The following PHC2 variants were observed in gnomAD, a reference collection of about 807,000 sequenced individuals.
The protein encoded by PHC2 is polyhomeotic-like protein 2.
In PHC2, 29 loss-of-function variants were observed where a neutral mutation model predicts 87.4. The observed-to-expected ratio is 0.33, with a 90% CI of 0.25 to 0.45. The LOEUF is 0.45. PHC2 is among the 20% of genes least tolerant of loss of function. The pLI is 1.00. For synonymous variants in PHC2, 438 were observed against 461.7 expected (o/e 0.95, Z 0.66); for missense variants, 857 against 1,136.7 (o/e 0.75, Z 3.54).
At chr1:33,355,999 A>G (rs1193786143) in intron 7 of PHC2, among the ~76,000 whole-genome samples, 5 of 152,242 alleles carry the variant, frequency 3.3e-5, no homozygotes, top group South Asian at 4.1e-4. Context: ...TATAACTACT[A>G]TATCAGTCTG....
chr1:33,349,294 G>A lies in PHC2; in HGVS notation c.1558+5107C>T. 8 of 985,448 alleles carry A rather than the reference G, an allele frequency of 8.1e-6. No individual in the cohort carries two copies. Among genetic ancestry groups the A allele is most frequent in the Non-Finnish European group, 9.6e-6 (8 of 829,954 alleles). 61.0% of individuals were successfully genotyped at this position (985,448 alleles called of 1,614,324 possible). On this transcript the variant is annotated intron_variant, in intron 9 of 14. Transcript: ENST00000683057. The surrounding 1 kb of genome is among the most constrained non-coding windows in gnomAD (Gnocchi z 4.2). The stretch of plus-strand genomic sequence containing the variant: ...CGTCCCAGGGAAGTCGCAGCGGCGG[G>A]GAGGCCGGTCCTAGGTTGGGGCTGG...
intron 14 of PHC2, 23 bp downstream of exon 14, chr1:33,328,843 GAGAC>G (rs756734797): frequency 7.6e-6 from 12 of 1,583,798 alleles, no homozygotes; most frequent in Non-Finnish European, 1.0e-5. Context: ...CTATTCCGGG[GAGAC>G]ATGGAATTTC....
intron 1 of PHC2, among the ~76,000 whole-genome samples, chr1:33,379,967 C>T (rs1471386720): frequency 6.6e-6 from 1 of 152,202 alleles, no homozygotes; most frequent in Non-Finnish European, 1.5e-5. Context: ...GAGCATCTGC[C>T]ATCCCAGGCT....
chr1:33,424,102 AAAAAAAAAAC>A (rs1369514109), intron 1 of PHC2, among the ~76,000 whole-genome samples: 4 of 151,830 alleles, frequency 2.6e-5, no homozygotes, highest in Non-Finnish European at 5.9e-5. Context: ...CGTCTCAAAA[AAAAAAAAAAC>A]AAAAAAAACA....
intron 9 of PHC2, among the ~76,000 whole-genome samples, chr1:33,342,750 C>G (rs1646768824): frequency 6.6e-6 from 1 of 152,192 alleles, no homozygotes. Context: ...CTACTTAACC[C>G]TGGTGATGGA....
chr1:33,367,713 T>G (rs1647562164), intron 6 of PHC2, among the ~76,000 whole-genome samples: 1 of 152,130 alleles, frequency 6.6e-6, no homozygotes, highest in Non-Finnish European at 1.5e-5. Flanking sequence ...GGCCAGGCTC[T>G]GTCCCTTCTG....
At chr1:33,345,136 A>G (rs1258750631) in intron 9 of PHC2, 1 of 152,190 alleles carries the variant, frequency 6.6e-6, no homozygotes, top group Non-Finnish European at 1.5e-5. Context: ...TTTCTTGCCA[A>G]CAGTTCCAAT....
intron 9 of PHC2, chr1:33,335,291 C>G: frequency 1.0e-6 from 1 of 985,428 alleles, no homozygotes; most frequent in Non-Finnish European, 1.2e-6. Flanking sequence ...CTCCCGCCCC[C>G]TTCCCAGGGC....
rs1646913677 is a variant in PHC2, at chr1:33,349,406, C to T, written c.1558+4995G>A. On this transcript the variant is annotated intron_variant, in intron 9 of 14. Transcript: ENST00000683057. This position sits in a 1 kb window ranked among gnomAD's most constrained non-coding sequence, Gnocchi z 4.2. ...AGGGGCGACGGGCGCGCAGGGTCCCCAGGCGAGCGAGGCTGGGGAGCAGGG... is the reference window on the plus strand; with the variant it reads ...AGGGGCGACGGGCGCGCAGGGTCCCTAGGCGAGCGAGGCTGGGGAGCAGGG... The T allele has an allele frequency of 1.0e-6, 1 of 985,316 alleles. No individual in the cohort carries two copies. Among genetic ancestry groups the T allele is most frequent in the Non-Finnish European group, 1.2e-6 (1 of 829,894 alleles). The allele number at this position is 985,316 out of a possible 1,614,324, so 61.0% of individuals were successfully genotyped here. A position where few individuals can be genotyped will look rare whatever the true frequency, so the allele number is the denominator to read the frequency against.
Position 33,324,882 on chromosome 1 carries a change from T to A in PHC2, c.2563A>T (p.Met855Leu). Residue 855 changes from methionine (M) to leucine (L), a missense_variant, in exon 15 of 15, where the codon ATG becomes TTG. Met to Leu is a conservative substitution (Grantham distance 15). Around this residue, in one of 3 missense-constraint regions of PHC2, gnomAD observed 22 missense variants for 36.0 expected, o/e 0.61. Transcript: ENST00000683057. The stretch of plus-strand genomic sequence containing the variant: ...CACCAGCCCTAGGAGTCCTTGAGCA[T>A]GCTGATGCGGGCGTAGATCTTCAGG... ...PALKIYARIS[M>L]LKDS is the part of the protein sequence containing the mutation. The A allele has an allele frequency of 6.2e-7, 1 of 1,613,386 alleles. No homozygotes were observed. The highest frequency in any genetic ancestry group is 8.5e-7 in the Non-Finnish European group (1 of 1,179,520).
rs923980182 is a variant in PHC2, at chr1:33,334,311, G to A, written c.1559-19C>T. 1 of 1,608,822 alleles carries A rather than the reference G, an allele frequency of 6.2e-7. No homozygotes were observed. Among genetic ancestry groups the A allele is most frequent in the Non-Finnish European group, 8.5e-7 (1 of 1,176,256 alleles). ...CCTGTCTCTGCACGAGAGAGAGTAG[G>A]AAAACAAAGCAGGGGAGATCAGAAC... On this transcript the variant is annotated intron_variant, in intron 9 of 14. Coordinates refer to ENST00000683057, the MANE Select transcript of PHC2 (RefSeq NM_001385109.1). The surrounding 1 kb of genome is among the most constrained non-coding windows in gnomAD (Gnocchi z 5.5).
rs1288515016 is a variant in PHC2, at chr1:33,355,159, T to C, written c.1071A>G (p.Gln357=). ...QFVIQQQPQP[Q]QQQPPPQQSR... is the part of the protein sequence containing the mutation. ...ACTGCTGGGGCGGCGGCTGCTGCTG[T>C]TGTGGCTGTGGCTGCTGCTGGATCA... Residue 357 remains glutamine (Q), a synonymous_variant, in exon 8 of 15, where the codon CAA becomes CAG. Coordinates refer to ENST00000683057, the MANE Select transcript of PHC2 (RefSeq NM_001385109.1). 16 of 1,608,198 alleles carry C rather than the reference T, an allele frequency of 9.9e-6. No homozygotes were observed. Among genetic ancestry groups the C allele is most frequent in the Non-Finnish European group, 6.8e-6 (8 of 1,178,722 alleles).
chr1:33,388,489 A>T (rs1213731401), intron 1 of PHC2, among the ~76,000 whole-genome samples: 1 of 151,802 alleles, frequency 6.6e-6, no homozygotes, highest in African/African-American at 2.4e-5. Flanking sequence ...ACGCCCAGCT[A>T]ATTTTTTGTA....
At chr1:33,393,523 G>A (rs1192595485) in intron 1 of PHC2, among the ~76,000 whole-genome samples, 1 of 146,330 alleles carries the variant, frequency 6.8e-6, no homozygotes, top group Non-Finnish European at 1.5e-5. Context: ...ATCTTGTCAG[G>A]AGCCACACAC....
chr1:33,405,770 T>C (rs938439845), intron 1 of PHC2, among the ~76,000 whole-genome samples: 2 of 152,134 alleles, frequency 1.3e-5, no homozygotes, highest in African/African-American at 4.8e-5. Flanking sequence ...ATTATATATG[T>C]GTACTGCTTA....
At chr1:33,399,875 G>GTTATATCTAATTATATCTAA (rs1553189330) in intron 1 of PHC2, among the ~76,000 whole-genome samples, 1 of 152,090 alleles carries the variant, frequency 6.6e-6, no homozygotes, top group Non-Finnish European at 1.5e-5. Context: ...AAGTAATTCA[G>GTTATATCTAATTATATCTAA]TTATATCTAA....
intron 9 of PHC2, among the ~76,000 whole-genome samples, chr1:33,342,821 T>G (rs1646770147): frequency 6.6e-6 from 1 of 152,202 alleles, no homozygotes; most frequent in South Asian, 2.1e-4. Context: ...CACATCATAG[T>G]GCTCCGGCCC....
chr1:33,381,443 T>G (rs1330162595), intron 1 of PHC2, among the ~76,000 whole-genome samples: 2 of 152,188 alleles, frequency 1.3e-5, no homozygotes, highest in Non-Finnish European at 1.5e-5. Flanking sequence ...CTTCCATCAA[T>G]GGTGTCTATA....
intron 9 of PHC2, among the ~76,000 whole-genome samples, chr1:33,351,884 G>A (rs910596705): frequency 6.8e-6 from 1 of 146,010 alleles, no homozygotes; most frequent in East Asian, 2.1e-4. Context: ...CCCGGGAGGT[G>A]TAGATTGCAG....
Sources: allele counts gnomAD v4.1 joint callset (sites outside exome capture counted in the v4.1 genomes callset), GRCh38; gene constraint gnomAD v4.1.1; regional missense constraint gnomAD v4.1.1; non-coding constraint Gnocchi (gnomAD v3.1); transcripts MANE v1.5; gene names NCBI Gene and HGNC (gene_info 2026-07-23, HGNC 2026-07-21).